ASIC2: variants seen among roughly 807,000 people sequenced by gnomAD.
ASIC2 encodes the protein acid-sensing ion channel 2.
A neutral mutation model predicts 57.3 loss-of-function variants in ASIC2; 25 were observed. The observed-to-expected ratio is 0.44, with a 90% confidence interval of 0.32 to 0.61. ASIC2 has a LOEUF of 0.61. Among genes scored for constraint, ASIC2 ranks in the 20% least tolerant of loss-of-function variants. The pLI is 0.06. For missense variants in ASIC2, 641 were observed against 738.1 expected (o/e 0.87, Z 1.52); for synonymous variants, 319 against 307.5 (o/e 1.04, Z -0.39).
chr17:34,088,823 C>T (rs912261085), intron 1 of ASIC2, among the ~76,000 whole-genome samples: 38 of 152,204 alleles, frequency 2.5e-4, no homozygotes, highest in African/African-American at 9.2e-4. Context: ...ACTCCGTGGG[C>T]GTAGGACCCT....
intron 1 of ASIC2, among the ~76,000 whole-genome samples, chr17:33,555,395 T>A (rs932884726): frequency 7.0e-6 from 1 of 143,646 alleles, no homozygotes; most frequent in African/African-American, 2.7e-5. Context: ...GTTTGGAATA[T>A]AACACATTCT....
At chr17:33,547,360 A>G (rs969307806) in intron 1 of ASIC2, among the ~76,000 whole-genome samples, 5 of 152,152 alleles carry the variant, frequency 3.3e-5, no homozygotes, top group Non-Finnish European at 4.4e-5. Flanking sequence ...GTGAGTCTAT[A>G]TGCATTACAG....
chr17:33,374,262 G>T (rs1400148281), intron 1 of ASIC2, among the ~76,000 whole-genome samples: 2 of 152,154 alleles, frequency 1.3e-5, no homozygotes, highest in African/African-American at 2.4e-5. Flanking sequence ...CTCTCAAAGT[G>T]CTGGGATTAC....
chr17:33,333,029 T>C (rs1907378039), intron 1 of ASIC2, among the ~76,000 whole-genome samples: 2 of 152,250 alleles, frequency 1.3e-5, no homozygotes, highest in African/African-American at 4.8e-5. Context: ...ATGTAGCATG[T>C]TCAATCTACA....
intron 1 of ASIC2, among the ~76,000 whole-genome samples, chr17:33,230,886 A>C (rs1908065116): frequency 6.6e-6 from 1 of 152,174 alleles, no homozygotes; most frequent in Non-Finnish European, 1.5e-5. Context: ...AATACGTTCT[A>C]TATGGTTTCA....
chr17:33,803,305 T>G (rs780701207), intron 1 of ASIC2, among the ~76,000 whole-genome samples: 16 of 150,666 alleles, frequency 1.1e-4, no homozygotes, highest in Middle Eastern at 3.4e-3. Context: ...TTTAAATGCA[T>G]AAGGAAGGCC....
chr17:33,753,429 A>G lies in ASIC2; in HGVS notation c.555+402549T>C, dbSNP rs111923078. ...CATTTGTCAAAACCCATAGAATTGT[A>G]TAACACAAAGAATGAACCCTAATGT... On this transcript the variant is annotated intron_variant, in intron 1 of 9. Transcript: ENST00000359872. Among the ~76,000 whole-genome samples, 757 of 152,350 alleles carry G rather than the reference A, an allele frequency of 5.0e-3. 2 individuals are homozygous for G. The highest frequency in any genetic ancestry group is 0.02 in the Middle Eastern group (6 of 294).
At chr17:33,134,622 A>T (rs1240919875) in intron 1 of ASIC2, among the ~76,000 whole-genome samples, 1 of 152,230 alleles carries the variant, frequency 6.6e-6, no homozygotes, top group Non-Finnish European at 1.5e-5. Flanking sequence ...ATCCTTTCAA[A>T]CACTTCCAGA....
rs775007546 is a variant in ASIC2, at chr17:33,539,721, C to T, written c.556-427654G>A. 4.6e-5 allele frequency among the ~76,000 whole-genome samples: 7 copies of T among 152,314 alleles called. 1 individual carries two copies. Among genetic ancestry groups the T allele is most frequent in the Middle Eastern group, 6.8e-3 (2 of 294 alleles). On this transcript the variant is annotated intron_variant, in intron 1 of 9. Coordinates refer to the ASIC2 transcript ENST00000359872. Reference sequence around the variant, plus strand: ...AGCTCAGCTCAATCCTTGACTAGCTCGGGTATTTACTGGCTGCCAACTGTG... The same window carrying T: ...AGCTCAGCTCAATCCTTGACTAGCTTGGGTATTTACTGGCTGCCAACTGTG...
intron 1 of ASIC2, among the ~76,000 whole-genome samples, chr17:33,884,443 A>C (rs1389015387): frequency 6.6e-6 from 1 of 152,060 alleles, no homozygotes; most frequent in Non-Finnish European, 1.5e-5. Context: ...ATACCTCTGT[A>C]AGTAGCCCTT....
intron 1 of ASIC2, among the ~76,000 whole-genome samples, chr17:33,384,285 G>A (rs1028754598): frequency 1.3e-5 from 2 of 152,220 alleles, no homozygotes; most frequent in Non-Finnish European, 2.9e-5. Context: ...GATTTTGTAA[G>A]GCTAATGGAC....
chr17:33,403,486 ACTGT>A (rs1910356572), intron 1 of ASIC2, among the ~76,000 whole-genome samples: 1 of 152,230 alleles, frequency 6.6e-6, no homozygotes, highest in Admixed American at 6.5e-5. Flanking sequence ...TTAAATTAAG[ACTGT>A]CTATCTTACT....
intron 1 of ASIC2, among the ~76,000 whole-genome samples, chr17:33,318,851 G>T (rs761177185): frequency 6.6e-6 from 1 of 152,170 alleles, no homozygotes; most frequent in Admixed American, 6.5e-5. Flanking sequence ...GGAAAAAGCT[G>T]TTCCTTTTCT....
intron 1 of ASIC2, among the ~76,000 whole-genome samples, chr17:34,078,385 A>T (rs908241926): frequency 1.3e-5 from 2 of 152,136 alleles, no homozygotes; most frequent in African/African-American, 4.8e-5. Context: ...AGCTGAGCCC[A>T]TGAGGGGGCG....
chr17:34,101,920 A>G (rs1393552949), intron 1 of ASIC2, among the ~76,000 whole-genome samples: 5 of 152,116 alleles, frequency 3.3e-5, no homozygotes, highest in Admixed American at 2.6e-4. Flanking sequence ...CCATCACCAT[A>G]CCCTACCTCC....
chr17:33,035,429 T>A (rs909184303), intron 3 of ASIC2, among the ~76,000 whole-genome samples: 12 of 152,228 alleles, frequency 7.9e-5, no homozygotes, highest in Admixed American at 6.5e-4. Flanking sequence ...CTATTTTTGG[T>A]GACTCTGGGT....
chr17:33,582,513 C>A (rs1241378420), intron 1 of ASIC2, among the ~76,000 whole-genome samples: 1 of 152,160 alleles, frequency 6.6e-6, no homozygotes, highest in Non-Finnish European at 1.5e-5. Flanking sequence ...GACCCTTGGG[C>A]AAGTTACCTA....
At chr17:33,956,599 C>T (rs568283685) in intron 1 of ASIC2, among the ~76,000 whole-genome samples, 98 of 152,328 alleles carry the variant, frequency 6.4e-4, no homozygotes, top group African/African-American at 2.1e-3. Context: ...TTAAAACTCA[C>T]GTCACCAGGG....
intron 1 of ASIC2, among the ~76,000 whole-genome samples, chr17:33,576,292 C>A (rs1916618494): frequency 1.3e-5 from 2 of 152,132 alleles, no homozygotes; most frequent in Admixed American, 1.3e-4. Flanking sequence ...GAACCCAGTT[C>A]AAATCCTGTT....
Sources: allele counts gnomAD v4.1 joint callset (sites outside exome capture counted in the v4.1 genomes callset), GRCh38; gene constraint gnomAD v4.1.1; transcripts MANE v1.5; gene names NCBI Gene and HGNC (gene_info 2026-07-23, HGNC 2026-07-21).